Variants in DACH1 observed in about 807,000 individuals in gnomAD.
DACH1 encodes dachshund homolog 1.
In DACH1, 12 loss-of-function variants were observed where a neutral mutation model predicts 54.2. The ratio of observed to expected loss-of-function variants is 0.22; its 90% confidence interval spans 0.14 to 0.36. The LOEUF is 0.36. Ranked by LOEUF, DACH1 falls within the 10% of genes least tolerant of loss-of-function variation. DACH1 has a pLI of 1.00. For synonymous variants in DACH1, 386 were observed against 366.2 expected (o/e 1.05, Z -0.62); for missense variants, 805 against 929.8 (o/e 0.87, Z 1.75).
chr13:71,447,278 A>G (rs1157967077), intron 10 of DACH1, among the ~76,000 whole-genome samples: 3 of 152,082 alleles, frequency 2.0e-5, no homozygotes, highest in Non-Finnish European at 4.4e-5. Context: ...AATCAGACCC[A>G]GTAAGTATAT....
chr13:71,542,118 T>C (rs1049205062), intron 6 of DACH1, among the ~76,000 whole-genome samples: 2 of 151,562 alleles, frequency 1.3e-5, no homozygotes, highest in South Asian at 2.1e-4. Flanking sequence ...GGCATGGCAG[T>C]GGGCACCTGT....
At chr13:71,658,753 T>C (rs1879302990) in intron 2 of DACH1, among the ~76,000 whole-genome samples, 1 of 152,204 alleles carries the variant, frequency 6.6e-6, no homozygotes, top group Non-Finnish European at 1.5e-5. Flanking sequence ...GGAAGAGATC[T>C]TGCTGGAATA....
rs546834160 is a variant in DACH1, at chr13:71,630,547, A to C, written c.1126+9T>G. ...GATCACAATAAGTTTCAGCGAACATAAAACTTACCGACACTTGAATTCATG... is the reference window on the plus strand; with the variant it reads ...GATCACAATAAGTTTCAGCGAACATCAAACTTACCGACACTTGAATTCATG... On this transcript the variant is annotated intron_variant, in intron 3 of 10. Transcript: ENST00000613252. 2 of 1,577,748 alleles carry C rather than the reference A, an allele frequency of 1.3e-6. No individual in the cohort carries two copies. The highest frequency in any genetic ancestry group is 2.4e-5 in the South Asian group (2 of 84,466).
At chr13:71,557,522 C>G (rs1884329628) in intron 5 of DACH1, among the ~76,000 whole-genome samples, 2 of 152,082 alleles carry the variant, frequency 1.3e-5, no homozygotes, top group Admixed American at 1.3e-4. Flanking sequence ...AATTCTAAAA[C>G]TAGTGAATGG....
chr13:71,573,465 A>C (rs1326267098), intron 3 of DACH1: 1 of 716,654 alleles, frequency 1.4e-6, no homozygotes, highest in Admixed American at 2.0e-5. Flanking sequence ...AGGATGACTA[A>C]GTGGAAGGCT....
intron 6 of DACH1, among the ~76,000 whole-genome samples, chr13:71,537,142 C>T (rs1200938061): frequency 6.6e-6 from 1 of 152,004 alleles, no homozygotes; most frequent in Non-Finnish European, 1.5e-5. Context: ...TATGCTCTGG[C>T]CAAGAGGATT....
intron 6 of DACH1, among the ~76,000 whole-genome samples, chr13:71,529,411 T>C (rs1461372773): frequency 6.6e-6 from 1 of 152,098 alleles, no homozygotes; most frequent in Non-Finnish European, 1.5e-5. Flanking sequence ...GGTCTCCATC[T>C]CTTGACCTCA....
intron 10 of DACH1, among the ~76,000 whole-genome samples, chr13:71,442,402 T>C (rs747974044): frequency 6.6e-6 from 1 of 152,166 alleles, no homozygotes; most frequent in Non-Finnish European, 1.5e-5. Context: ...TAGTATTCTA[T>C]TGCGTATGTG....
chr13:71,669,294 T>C (rs1221479266), intron 2 of DACH1, among the ~76,000 whole-genome samples: 1 of 152,120 alleles, frequency 6.6e-6, no homozygotes, highest in Non-Finnish European at 1.5e-5. Context: ...CTCCCCATTG[T>C]TTGAATTAGC....
chr13:71,581,138 C>A (rs1012680800), intron 3 of DACH1, among the ~76,000 whole-genome samples: 9 of 151,540 alleles, frequency 5.9e-5, no homozygotes, highest in Non-Finnish European at 1.0e-4. Flanking sequence ...CAGACCAATT[C>A]TCACATTTAC....
chr13:71,618,246 T>C (rs1875931143), intron 3 of DACH1, among the ~76,000 whole-genome samples: 1 of 152,104 alleles, frequency 6.6e-6, no homozygotes, highest in Non-Finnish European at 1.5e-5. Flanking sequence ...AGAATTTATG[T>C]CTTTAAAAAG....
At chr13:71,817,524 T>C (rs1888007029) in intron 1 of DACH1, among the ~76,000 whole-genome samples, 1 of 152,202 alleles carries the variant, frequency 6.6e-6, no homozygotes, top group Admixed American at 6.5e-5. Flanking sequence ...CACTCAACAA[T>C]GTCGCAACAG....
At chr13:71,679,870 T>G (rs2138697898) in intron 2 of DACH1, among the ~76,000 whole-genome samples, 1 of 145,232 alleles carries the variant, frequency 6.9e-6, no homozygotes, top group South Asian at 2.2e-4. Flanking sequence ...TGATCCCACC[T>G]ACTCCAGAGG....
At chr13:71,605,618 A>C (rs1030545157) in intron 3 of DACH1, among the ~76,000 whole-genome samples, 5 of 152,014 alleles carry the variant, frequency 3.3e-5, no homozygotes, top group Non-Finnish European at 5.9e-5. Context: ...TTTATCAAAG[A>C]ATGTTTTCAA....
At chr13:71,788,700 C>A (rs1314459445) in intron 1 of DACH1, among the ~76,000 whole-genome samples, 1 of 152,006 alleles carries the variant, frequency 6.6e-6, no homozygotes, top group Non-Finnish European at 1.5e-5. Context: ...TTTGGGCAGA[C>A]ATGTGTGGCT....
chr13:71,530,454 T>TAA lies in DACH1; in HGVS notation c.1570+26568_1570+26569dup, dbSNP rs147404157. Among the ~76,000 whole-genome samples, 745 of 150,084 alleles carry TAA rather than the reference T, an allele frequency of 5.0e-3. 3 individuals carry two copies. Among genetic ancestry groups the TAA allele is most frequent in the African/African-American group, 0.017 (705 of 41,130 alleles). On this transcript the variant is annotated intron_variant, in intron 6 of 10. Coordinates refer to ENST00000613252, the MANE Select transcript of DACH1 (RefSeq NM_080759.6). ...TTGGACAAGGACAAAGACACTAATT[T>TAA]AAAAAAAAAAGTTATTTGAACTTTT... is the stretch of plus-strand genomic sequence containing the variant.
At chr13:71,495,658 T>G (rs1374899306) in intron 6 of DACH1, among the ~76,000 whole-genome samples, 1 of 152,068 alleles carries the variant, frequency 6.6e-6, no homozygotes, top group African/African-American at 2.4e-5. Flanking sequence ...AAGAAAAAAT[T>G]ACAGATATTG....
At chr13:71,698,908 G>A (rs1299650762) in intron 1 of DACH1, among the ~76,000 whole-genome samples, 1 of 152,094 alleles carries the variant, frequency 6.6e-6, no homozygotes, top group Non-Finnish European at 1.5e-5. Context: ...TCCAGGGGTA[G>A]ATTTAGTGCC....
intron 6 of DACH1, among the ~76,000 whole-genome samples, chr13:71,547,403 T>C (rs2138347542): frequency 1.3e-5 from 2 of 152,146 alleles, no homozygotes; most frequent in South Asian, 4.1e-4. Flanking sequence ...CCATGAAAGG[T>C]GCTTTTGGTT....
Sources: gnomAD v4.1 joint callset for allele counts (sites outside exome capture counted in the v4.1 genomes callset) on GRCh38, gnomAD v4.1.1 for gene constraint, MANE v1.5 for transcripts, NCBI Gene and HGNC (gene_info 2026-07-23, HGNC 2026-07-21) for gene names.